SMYD3: variants seen among roughly 807,000 people sequenced by gnomAD.
SMYD3 encodes the protein histone-lysine N-methyltransferase SMYD3.
Under a neutral mutation model 57.7 loss-of-function variants are expected in SMYD3, and 36 were observed. That is an observed-to-expected ratio of 0.62 (90% CI 0.48 to 0.82). The LOEUF (loss-of-function observed/expected upper bound fraction) is 0.82, where lower values mean the gene tolerates loss of function less well. SMYD3 is among the 40% of genes least tolerant of loss of function. The pLI, the probability that SMYD3 is intolerant of heterozygous loss-of-function variation, is 0.00. For missense variants in SMYD3, 515 were observed against 538.8 expected (o/e 0.96, Z 0.44); for synonymous variants, 211 against 195.0 (o/e 1.08, Z -0.68).
intron 5 of SMYD3, among the ~76,000 whole-genome samples, chr1:246,162,267 G>T: frequency 6.6e-6 from 1 of 152,136 alleles, no homozygotes; most frequent in East Asian, 1.9e-4. Context: ...GAACATTCTA[G>T]AACTAGGTTA....
intron 1 of SMYD3, among the ~76,000 whole-genome samples, chr1:246,437,720 T>C (rs1488371701): frequency 1.3e-5 from 2 of 152,246 alleles, no homozygotes; most frequent in African/African-American, 4.8e-5. Flanking sequence ...TATTCTAATA[T>C]AATTTTTAAT....
Position 246,327,256 on chromosome 1 carries a change from ATTTC to A in SMYD3, c.472_475del (p.Glu158TyrfsTer20). 6.2e-7 allele frequency: 1 copy of A among 1,614,118 alleles called. No homozygotes were observed. The highest frequency in any genetic ancestry group is 8.5e-7 in the Non-Finnish European group (1 of 1,179,988). ...AGGTGGCAGCTGAGAGGCATCCTGT[ATTTC>A]TTCTCTCATGAAATGTTGAAATGTC... On this transcript the variant is annotated frameshift_variant, in exon 5 of 12. Transcript: ENST00000490107. LOFTEE classifies it high-confidence loss of function.
At chr1:246,306,712 G>A (rs1335116197) in intron 5 of SMYD3, among the ~76,000 whole-genome samples, 3 of 152,084 alleles carry the variant, frequency 2.0e-5, no homozygotes, top group Non-Finnish European at 4.4e-5. Context: ...AAGCAAACTC[G>A]CTCAGATAAG....
intron 7 of SMYD3, among the ~76,000 whole-genome samples, chr1:245,922,690 T>A (rs754687079): frequency 3.3e-5 from 5 of 152,082 alleles, no homozygotes; most frequent in Non-Finnish European, 5.9e-5. Context: ...AGAAAATCAC[T>A]ATGTAGTAAG....
intron 5 of SMYD3, among the ~76,000 whole-genome samples, chr1:246,279,028 C>T (rs1478356577): frequency 6.6e-6 from 1 of 152,154 alleles, no homozygotes; most frequent in East Asian, 1.9e-4. Context: ...TCAAGTCCAG[C>T]ATCCTCTAGG....
At chr1:246,080,198 T>G (rs1329657994) in intron 5 of SMYD3, among the ~76,000 whole-genome samples, 1 of 133,986 alleles carries the variant, frequency 7.5e-6, no homozygotes, top group Non-Finnish European at 1.6e-5. Flanking sequence ...GTCCATGGCC[T>G]GTTAGGAACT....
chr1:245,781,300 T>C (rs905633442), intron 10 of SMYD3, among the ~76,000 whole-genome samples: 2 of 152,256 alleles, frequency 1.3e-5, no homozygotes, highest in African/African-American at 2.4e-5. Flanking sequence ...GATACTATTA[T>C]TGTTGCCATT....
At chr1:246,286,567 T>C (rs2148584426) in intron 5 of SMYD3, among the ~76,000 whole-genome samples, 1 of 152,344 alleles carries the variant, frequency 6.6e-6, no homozygotes, top group East Asian at 1.9e-4. Context: ...ACAGACTCCC[T>C]GAAGGTCTTT....
chr1:245,991,225 A>G (rs1483824488), intron 5 of SMYD3, among the ~76,000 whole-genome samples: 1 of 152,232 alleles, frequency 6.6e-6, no homozygotes, highest in Non-Finnish European at 1.5e-5. Context: ...ACTGTGAAGA[A>G]TCCTGAGGGT....
chr1:246,341,002 A>G lies in SMYD3; in HGVS notation c.229-5528T>C, dbSNP rs75587043. ...GACCCCAGGTCTCAGGGGGAAAAAA[A>G]AAAGAATGCTCACAATAGAAGATGA... On this transcript the variant is annotated intron_variant, in intron 2 of 11. Transcript: ENST00000490107. Among the ~76,000 whole-genome samples, 214 of 152,276 alleles carry G rather than the reference A, an allele frequency of 1.4e-3. 6 individuals carry two copies. In the East Asian group the frequency reaches 0.035, roughly 25 times the overall value.
chr1:246,382,064 C>T (rs1430510371), intron 1 of SMYD3, among the ~76,000 whole-genome samples: 2 of 149,014 alleles, frequency 1.3e-5, no homozygotes, highest in African/African-American at 5.0e-5. Flanking sequence ...TCCAGGCCAA[C>T]CGTGGGCTCC....
chr1:246,189,531 A>G (rs1558301513), intron 5 of SMYD3, among the ~76,000 whole-genome samples: 1 of 152,246 alleles, frequency 6.6e-6, no homozygotes, highest in Non-Finnish European at 1.5e-5. Flanking sequence ...GAAGGGACAT[A>G]TAAGACAAAA....
intron 1 of SMYD3, among the ~76,000 whole-genome samples, chr1:246,372,827 A>T (rs968644322): frequency 2.0e-5 from 3 of 152,232 alleles, no homozygotes; most frequent in African/African-American, 7.2e-5. Flanking sequence ...GTTAGAATGT[A>T]TAAGAACATT....
At chr1:245,834,567 G>A (rs190948771) in intron 10 of SMYD3, among the ~76,000 whole-genome samples, 15 of 152,302 alleles carry the variant, frequency 9.8e-5, no homozygotes, top group Non-Finnish European at 4.4e-5. Flanking sequence ...CGTCCTCTGA[G>A]GAACACTGTA....
intron 5 of SMYD3, among the ~76,000 whole-genome samples, chr1:246,219,149 G>A (rs1383802277): frequency 2.0e-5 from 3 of 152,092 alleles, no homozygotes; most frequent in Non-Finnish European, 4.4e-5. Context: ...CCACCTTCAA[G>A]CCTCAAACCA....
At chr1:246,367,707 C>T (rs1025695478) in intron 1 of SMYD3, among the ~76,000 whole-genome samples, 1 of 152,122 alleles carries the variant, frequency 6.6e-6, no homozygotes, top group African/African-American at 2.4e-5. Flanking sequence ...GCTGAGATTA[C>T]AGGCGTGAGC....
intron 10 of SMYD3, among the ~76,000 whole-genome samples, chr1:245,848,207 C>G (rs1219640352): frequency 6.6e-6 from 1 of 151,672 alleles, no homozygotes; most frequent in Non-Finnish European, 1.5e-5. Context: ...CTCAAGTGAT[C>G]CTTCCTTCCA....
intron 5 of SMYD3, among the ~76,000 whole-genome samples, chr1:245,971,244 C>A (rs752056110): frequency 6.6e-6 from 1 of 152,146 alleles, no homozygotes; most frequent in Admixed American, 6.5e-5. Flanking sequence ...GGGAGTTGCA[C>A]AATGAGAACA....
intron 8 of SMYD3, among the ~76,000 whole-genome samples, chr1:245,896,389 C>CAAAAAAAAAAAAAAAAAAAAAA (rs3052904): frequency 4.1e-5 from 3 of 73,724 alleles, no homozygotes; most frequent in South Asian, 6.1e-4. Context: ...TTTGCCAAGT[C>CAAAAAAAAAAAAAAAAAAAAAA]AAAAAAAAAA....
Sources: gnomAD v4.1 joint callset for allele counts (sites outside exome capture counted in the v4.1 genomes callset) on GRCh38, gnomAD v4.1.1 for gene constraint, MANE v1.5 for transcripts, NCBI Gene and HGNC (gene_info 2026-07-23, HGNC 2026-07-21) for gene names.